Variants in ZNF407 observed in about 807,000 individuals in gnomAD.
The protein encoded by ZNF407 is zinc finger protein 407.
A neutral mutation model predicts 131.2 loss-of-function variants in ZNF407; 17 were observed. The ratio of observed to expected loss-of-function variants is 0.13; its 90% CI spans 0.09 to 0.19. The LOEUF (loss-of-function observed/expected upper bound fraction) is 0.19, where lower values mean the gene tolerates loss of function less well. Among genes scored for constraint, ZNF407 ranks in the 10% least tolerant of loss-of-function variants. The pLI, the probability that ZNF407 is intolerant of heterozygous loss-of-function variation, is 1.00. For missense variants in ZNF407, 2,681 were observed against 2,830.6 expected, an observed-to-expected ratio of 0.95 and a Z score of 1.20; for synonymous variants, 1,156 against 1,062.0, an observed-to-expected ratio of 1.09 and a Z score of -1.72.
At chr18:74,731,463 A>G (rs531661408) in intron 3 of ZNF407, among the ~76,000 whole-genome samples, 1 of 152,216 alleles carries the variant, frequency 6.6e-6, no homozygotes, top group Non-Finnish European at 1.5e-5. Context: ...AAAAGTGAAC[A>G]AAAACAATTC....
intron 8 of ZNF407, among the ~76,000 whole-genome samples, chr18:74,999,310 G>A (rs942079827): frequency 2.1e-5 from 2 of 94,928 alleles, no homozygotes; most frequent in African/African-American, 4.2e-5. Context: ...TAACTAACCT[G>A]CACAATGTGC....
intron 4 of ZNF407, among the ~76,000 whole-genome samples, chr18:74,873,490 T>C (rs1427255108): frequency 6.6e-6 from 1 of 152,110 alleles, no homozygotes; most frequent in Non-Finnish European, 1.5e-5. Context: ...ACGCACATAG[T>C]AGTGAAGAAA....
chr18:74,657,187 T>C (rs1376272683), intron 3 of ZNF407, among the ~76,000 whole-genome samples: 1 of 152,032 alleles, frequency 6.6e-6, no homozygotes. Flanking sequence ...ACAGTTTTCT[T>C]GATTTAGTTC....
Position 74,695,124 on chromosome 18 carries a change from C to A in ZNF407, c.4802+54002C>A, listed in dbSNP as rs550400562. On this transcript the variant is annotated intron_variant, in intron 3 of 8. Transcript: ENST00000299687. ...CAGAAGTTGACATCAGAGTTACTTG[C>A]CATCTTGAGCTATTGTTGATTCTTC... Among the ~76,000 whole-genome samples the A allele has an allele frequency of 2.6e-5, 4 of 152,196 alleles. No individual in the cohort carries two copies. In the East Asian group the frequency reaches 7.7e-4, roughly 29 times the overall value.
At chr18:74,655,949 C>T (rs1325280670) in intron 3 of ZNF407, among the ~76,000 whole-genome samples, 1 of 152,050 alleles carries the variant, frequency 6.6e-6, no homozygotes, top group Non-Finnish European at 1.5e-5. Flanking sequence ...TATTAATAAG[C>T]ATTTTTGCTC....
At position 74,646,770 on chromosome 18, in the gene ZNF407, T is replaced by G. The variant is rs193096624; in HGVS notation, c.4802+5648T>G. Reference sequence around the variant, plus strand: ...GATATCATCCTCGTGTATTTTCCAGTGAACTGTTTGGTGAAGCCGGGAGAG... The same window carrying G: ...GATATCATCCTCGTGTATTTTCCAGGGAACTGTTTGGTGAAGCCGGGAGAG... On this transcript the variant is annotated intron_variant, in intron 3 of 8. Transcript: ENST00000299687. 2.3e-3 allele frequency among the ~76,000 whole-genome samples: 354 copies of G among 152,306 alleles called. 2 individuals carry two copies. Among genetic ancestry groups the G allele is most frequent in the African/African-American group, 8.0e-3 (331 of 41,560 alleles).
At chr18:74,625,784 A>G (rs1331226389) in intron 1 of ZNF407, among the ~76,000 whole-genome samples, 1 of 152,210 alleles carries the variant, frequency 6.6e-6, no homozygotes, top group Non-Finnish European at 1.5e-5. Context: ...GACATTTCTT[A>G]TATCACAATA....
chr18:75,009,724 C>T lies in ZNF407; in HGVS notation c.5429-53426C>T, dbSNP rs1258667390. On this transcript the variant is annotated intron_variant, in intron 8 of 8. Coordinates refer to ENST00000299687, the MANE Select transcript of ZNF407 (RefSeq NM_017757.3). ...ATTTTGCTTCATAGTAAAGTAAACC[C>T]GGACATAGATAGCTTCAGTAACTTA... 2.6e-5 allele frequency among the ~76,000 whole-genome samples: 4 copies of T among 152,156 alleles called. No homozygotes were observed. In the East Asian group the frequency reaches 7.7e-4, roughly 29 times the overall value.
intron 4 of ZNF407, among the ~76,000 whole-genome samples, chr18:74,832,229 A>G (rs889010783): frequency 6.6e-6 from 1 of 152,156 alleles, no homozygotes; most frequent in African/African-American, 2.4e-5. Context: ...AGTGGTAACA[A>G]TGAGATTTTT....
In ZNF407 at chr18:75,063,001, G is replaced by C; in HGVS notation, c.5429-149G>C. 1 of 699,682 alleles carries C rather than the reference G, an allele frequency of 1.4e-6. No individual in the cohort carries two copies. The highest frequency in any genetic ancestry group is 2.3e-6 in the Non-Finnish European group (1 of 428,172). The allele number at this position is 699,682 out of a possible 1,614,324, so 43.3% of individuals were successfully genotyped here. On this transcript the variant is annotated intron_variant, in intron 8 of 8. Coordinates refer to ENST00000299687, the MANE Select transcript of ZNF407 (RefSeq NM_017757.3). The surrounding 1 kb of genome is among the most constrained non-coding windows in gnomAD (Gnocchi z 6.6). ...GCCCACGGAGGCCTCTGGCCCTGCT[G>C]AAGCTTGCACTGTAGAGAGCTCTTC...
At chr18:75,032,816 G>A (rs1973258522) in intron 8 of ZNF407, among the ~76,000 whole-genome samples, 1 of 136,774 alleles carries the variant, frequency 7.3e-6, no homozygotes. Context: ...CAGAATTGGG[G>A]GAAGACAGTA....
chr18:75,037,283 G>T (rs184695584), intron 8 of ZNF407, among the ~76,000 whole-genome samples: 1 of 152,176 alleles, frequency 6.6e-6, no homozygotes, highest in Non-Finnish European at 1.5e-5. Flanking sequence ...ACAGATCCCT[G>T]TTCAGAGTCT....
intron 8 of ZNF407, among the ~76,000 whole-genome samples, chr18:75,025,282 A>G (rs568318345): frequency 6.6e-6 from 1 of 152,384 alleles, no homozygotes; most frequent in Non-Finnish European, 1.5e-5. Flanking sequence ...CATTTTGATT[A>G]AAAGACTGAT....
chr18:74,930,917 A>G (rs567224569), intron 8 of ZNF407, among the ~76,000 whole-genome samples: 3 of 152,352 alleles, frequency 2.0e-5, no homozygotes, highest in East Asian at 1.9e-4. Flanking sequence ...AAGCCAAGAT[A>G]TATACACTGT....
At chr18:74,989,513 G>T (rs373250569) in intron 8 of ZNF407, among the ~76,000 whole-genome samples, 1 of 152,194 alleles carries the variant, frequency 6.6e-6, no homozygotes, top group Non-Finnish European at 1.5e-5. Context: ...ACTTCCTTTC[G>T]AAGATTCTAT....
chr18:74,702,716 T>C (rs1480584894), intron 3 of ZNF407, among the ~76,000 whole-genome samples: 1 of 152,172 alleles, frequency 6.6e-6, no homozygotes, highest in South Asian at 2.1e-4. Context: ...TATAAATACA[T>C]ATTTCCCTAT....
intron 4 of ZNF407, among the ~76,000 whole-genome samples, chr18:74,783,424 A>G (rs907825198): frequency 1.3e-5 from 2 of 152,140 alleles, no homozygotes; most frequent in African/African-American, 4.8e-5. Context: ...AGAATTGTTC[A>G]TATTGTTTCA....
At chr18:74,957,570 A>G (rs1972291131) in intron 8 of ZNF407, among the ~76,000 whole-genome samples, 1 of 152,190 alleles carries the variant, frequency 6.6e-6, no homozygotes, top group African/African-American at 2.4e-5. Context: ...GTGTAAACAT[A>G]AAGATATTTA....
intron 7 of ZNF407, chr18:74,905,674 T>A (rs994358434): frequency 1.9e-4 from 29 of 152,222 alleles, no homozygotes; most frequent in African/African-American, 7.0e-4. Flanking sequence ...AGAGAAAAAT[T>A]CAATGTGCAT....
Sources: gnomAD v4.1 joint callset for allele counts (sites outside exome capture counted in the v4.1 genomes callset) on GRCh38, gnomAD v4.1.1 for gene constraint, Gnocchi (gnomAD v3.1) non-coding constraint, MANE v1.5 for transcripts, NCBI Gene and HGNC (gene_info 2026-07-23, HGNC 2026-07-21) for gene names.